DNAH17: variants seen among roughly 807,000 people sequenced by gnomAD.
DNAH17 encodes the protein dynein axonemal heavy chain 17.
A neutral mutation model predicts 485.6 loss-of-function variants in DNAH17; 376 were observed. The ratio of observed to expected loss-of-function variants is 0.77; its 90% CI spans 0.71 to 0.84. The LOEUF is 0.84. Among genes scored for constraint, DNAH17 ranks in the 40% least tolerant of loss-of-function variants. DNAH17 has a pLI of 0.00. For missense variants in DNAH17, 6,370 were observed against 5,839.3 expected (o/e 1.09, Z -2.96); for synonymous variants, 3,031 against 2,405.9 (o/e 1.26, Z -7.60).
chr17:78,455,579 G>C, intron 63 of DNAH17, 65 bp downstream of exon 63: 1 of 1,282,858 alleles, frequency 7.8e-7, no homozygotes, highest in South Asian at 1.7e-5. Flanking sequence ...CGCCCGCCTC[G>C]GCCTCCCAAA....
chr17:78,513,715 C>T (rs2090699519), intron 26 of DNAH17, among the ~76,000 whole-genome samples: 1 of 152,240 alleles, frequency 6.6e-6, no homozygotes, highest in African/African-American at 2.4e-5. Context: ...GGATTACAGG[C>T]ATGAGCCACC....
intron 3 of DNAH17, among the ~76,000 whole-genome samples, 160 bp from the exon 4 acceptor site, chr17:78,571,942 A>G (rs1236516158): frequency 6.6e-6 from 1 of 152,186 alleles, no homozygotes; most frequent in African/African-American, 2.4e-5. Flanking sequence ...GGGACGCTAA[A>G]GAAGTTCCCA....
At chr17:78,561,547 G>C (rs2092154539) in intron 12 of DNAH17, among the ~76,000 whole-genome samples, 168 bp downstream of exon 12, 2 of 152,230 alleles carry the variant, frequency 1.3e-5, no homozygotes, top group African/African-American at 4.8e-5. Context: ...CCAAGAAGGT[G>C]ATCAGGGGAG....
At chr17:78,539,937 TCA>T (rs1480423374) in intron 17 of DNAH17, 57 bp from the exon 18 acceptor site, 13 of 1,498,722 alleles carry the variant, frequency 8.7e-6, no homozygotes, top group Admixed American at 2.3e-5. Context: ...TGCTCTTTGA[TCA>T]CACTGTTTAG....
chr17:78,459,592 G>A (rs2087992624), intron 60 of DNAH17, among the ~76,000 whole-genome samples, 192 bp downstream of exon 60: 1 of 152,196 alleles, frequency 6.6e-6, no homozygotes, highest in Admixed American at 6.5e-5. Context: ...CTCTCTCTCA[G>A]ACCTGTAGCC....
Position 78,459,160 on chromosome 17 carries a change from C to G in DNAH17, c.9702G>C (p.Lys3234Asn). ...PTFDPEFIRS[K>N]STAAAGLCSW... ...AGCACAGGCCGGCGGCGGCCGTGGA[C>G]TTGGAGCGGATGAACTCGGGGTCGA... Residue 3234 changes from lysine (K) to asparagine (N), a missense_variant, in exon 61 of 81, where the codon AAG becomes AAC. By Grantham distance (94) the Lys-to-Asn change is moderately conservative (BLOSUM62 0). Transcript: ENST00000389840. 6.2e-7 allele frequency: 1 copy of G among 1,613,984 alleles called. No individual in the cohort carries two copies. Among genetic ancestry groups the G allele is most frequent in the Non-Finnish European group, 8.5e-7 (1 of 1,179,898 alleles).
At chr17:78,552,070 T>A (rs2091914491) in intron 15 of DNAH17, among the ~76,000 whole-genome samples, 1 of 152,130 alleles carries the variant, frequency 6.6e-6, no homozygotes, top group Non-Finnish European at 1.5e-5. Context: ...TGGAACATGA[T>A]TCCCAGAAGA....
At chr17:78,547,018 T>C (rs2091782303) in intron 16 of DNAH17, among the ~76,000 whole-genome samples, 1 of 152,226 alleles carries the variant, frequency 6.6e-6, no homozygotes, top group African/African-American at 2.4e-5. Flanking sequence ...CAATTATCAA[T>C]CATGTTTATC....
chr17:78,484,739 A>ACCCCCCTGCGGCCCCCCCCCC, intron 48 of DNAH17, 129 bp downstream of exon 48: 1 of 347,798 alleles, frequency 2.9e-6, no homozygotes, highest in Non-Finnish European at 4.6e-6. Flanking sequence ...ACGTTGCAGC[A>ACCCCCCTGCGGCCCCCCCCCC]CCCCCCCCAC....
chr17:78,509,273 A>G (rs1479152097), intron 27 of DNAH17, among the ~76,000 whole-genome samples: 3 of 151,144 alleles, frequency 2.0e-5, no homozygotes, highest in African/African-American at 7.3e-5. Context: ...GTCCCCCGCT[A>G]ATTTTTTTAA....
chr17:78,465,787 C>T (rs1320429633), intron 56 of DNAH17, among the ~76,000 whole-genome samples: 5 of 142,878 alleles, frequency 3.5e-5, no homozygotes, highest in Non-Finnish European at 5.9e-5. Flanking sequence ...CCAGGCCAGC[C>T]GCCCCGTCCA....
At chr17:78,533,292 G>C (rs1286229804) in intron 19 of DNAH17, among the ~76,000 whole-genome samples, 1 of 152,188 alleles carries the variant, frequency 6.6e-6, no homozygotes, top group African/African-American at 2.4e-5. Context: ...ACAGAAAAAA[G>C]CATCTCCACC....
In DNAH17 at chr17:78,569,267, A is replaced by G. The variant is rs1217409232; in HGVS notation, c.1198-15T>C. 9 of 1,599,462 alleles carry G rather than the reference A, an allele frequency of 5.6e-6. No homozygotes were observed. Among genetic ancestry groups the G allele is most frequent in the Middle Eastern group, 1.6e-4 (1 of 6,072 alleles). Reference sequence around the variant, plus strand: ...GGCTCTTTGTCCTTAGAGGAGAGAAAGAGAGATGAGGCCACGTTTGCTTCA... The same window carrying G: ...GGCTCTTTGTCCTTAGAGGAGAGAAGGAGAGATGAGGCCACGTTTGCTTCA... On this transcript the variant is annotated splice_polypyrimidine_tract_variant and intron_variant, in intron 8 of 80. Transcript: ENST00000389840.
rs114879026 is a variant in DNAH17 at position 78,527,450 on chromosome 17, G to C, written c.3508-454C>G. ...CTAGGACATTGACATTGGTGTCTCT[G>C]TTAACTAGACCAGAGAATGTACTCA... On this transcript the variant is annotated intron_variant, in intron 22 of 80. Coordinates refer to ENST00000389840, the MANE Select transcript of DNAH17 (RefSeq NM_173628.4). Among the ~76,000 whole-genome samples, 445 of 152,282 alleles carry C rather than the reference G, an allele frequency of 2.9e-3. 3 individuals are homozygous for C. Among genetic ancestry groups the C allele is most frequent in the African/African-American group, 0.01 (422 of 41,558 alleles).
Position 78,455,840 on chromosome 17 carries a change from A to C in DNAH17, c.9978-4T>G. The C allele has an allele frequency of 1.3e-6, 2 of 1,588,168 alleles. No individual in the cohort carries two copies. The highest frequency in any genetic ancestry group is 1.7e-6 in the Non-Finnish European group (2 of 1,166,532). On this transcript the variant is annotated splice_region_variant and splice_polypyrimidine_tract_variant and intron_variant, in intron 62 of 80. Transcript: ENST00000389840. ...CGATGCTAATCCCCCGACCAGCCTAAAGTGGGATGAGAGAGAATAAAACAT... is the reference window on the plus strand; with the variant it reads ...CGATGCTAATCCCCCGACCAGCCTACAGTGGGATGAGAGAGAATAAAACAT...
At chr17:78,445,200 T>TGGGAGGAGGGGAGGCTGGG (rs374028084) in intron 70 of DNAH17, among the ~76,000 whole-genome samples, 1,093 of 16,076 alleles carry the variant, frequency 0.068, 17 homozygotes, top group Admixed American at 0.16. Flanking sequence ...TCCCTTACGC[T>TGGGAGGAGGGGAGGCTGGG]GGGAGGAGGG....
At chr17:78,480,651 CA>C in intron 49 of DNAH17, 32 bp downstream of exon 49, 1 of 1,571,894 alleles carries the variant, frequency 6.4e-7, no homozygotes, top group Non-Finnish European at 8.7e-7. Context: ...AGACTCATGG[CA>C]GGTGACGGGG....
At chr17:78,547,322 C>T (rs924716800) in intron 16 of DNAH17, among the ~76,000 whole-genome samples, 3 of 152,168 alleles carry the variant, frequency 2.0e-5, no homozygotes, top group Non-Finnish European at 4.4e-5. Flanking sequence ...GCTGCATTCA[C>T]AGATAATTGT....
chr17:78,484,739 A>ACCCCCC, intron 48 of DNAH17, 129 bp downstream of exon 48: 3 of 347,796 alleles, frequency 8.6e-6, no homozygotes, highest in East Asian at 6.2e-5. Flanking sequence ...ACGTTGCAGC[A>ACCCCCC]CCCCCCCCAC....
Sources: gnomAD v4.1 joint callset for allele counts (sites outside exome capture counted in the v4.1 genomes callset) on GRCh38, gnomAD v4.1.1 for gene constraint, MANE v1.5 for transcripts, NCBI Gene and HGNC (gene_info 2026-07-23, HGNC 2026-07-21) for gene names.